The following WWP1 variants were observed in gnomAD, a reference collection of about 807,000 sequenced individuals.
WWP1 encodes the protein NEDD4-like E3 ubiquitin-protein ligase WWP1.
A neutral mutation model predicts 130.6 loss-of-function variants in WWP1; 49 were observed. The observed-to-expected ratio is 0.38, with a 90% CI of 0.30 to 0.48. WWP1 has a LOEUF of 0.48. Ranked by LOEUF, WWP1 falls within the 20% of genes least tolerant of loss-of-function variation. The pLI is 0.99. For synonymous variants in WWP1, 332 were observed against 367.8 expected (o/e 0.90, Z 1.11); for missense variants, 809 against 1,100.6 (o/e 0.74, Z 3.75).
intron 3 of WWP1, among the ~76,000 whole-genome samples, chr8:86,378,037 T>C (rs1279015392): frequency 6.6e-6 from 1 of 152,184 alleles, no homozygotes; most frequent in African/African-American, 2.4e-5. Context: ...TTTACTTCTC[T>C]TTTACATCAC....
chr8:86,454,661 A>G (rs1252360298), intron 21 of WWP1, among the ~76,000 whole-genome samples: 2 of 152,224 alleles, frequency 1.3e-5, no homozygotes, highest in African/African-American at 2.4e-5. Context: ...AGGTGCACTC[A>G]GAGAGGGATG....
chr8:86,389,744 C>T (rs529505953), intron 5 of WWP1, among the ~76,000 whole-genome samples: 274 of 149,168 alleles, frequency 1.8e-3, no homozygotes, highest in Non-Finnish European at 3.1e-3. Flanking sequence ...GGCAGAGGCG[C>T]CCCCCCACCC....
chr8:86,401,416 T>C (rs1807972264), intron 7 of WWP1, among the ~76,000 whole-genome samples: 1 of 151,910 alleles, frequency 6.6e-6, no homozygotes, highest in Non-Finnish European at 1.5e-5. Context: ...AAAAATTAGC[T>C]GGGCACTGTG....
intron 3 of WWP1, among the ~76,000 whole-genome samples, chr8:86,377,854 TA>T (rs1824762663): frequency 6.6e-6 from 1 of 152,206 alleles, no homozygotes; most frequent in South Asian, 2.1e-4. Context: ...TTGTGTCTTC[TA>T]AAGCATTTTC....
At chr8:86,452,755 T>C (rs964071446) in intron 21 of WWP1, 76 bp downstream of exon 21, 219 of 1,538,190 alleles carry the variant, frequency 1.4e-4, no homozygotes, top group Non-Finnish European at 1.8e-4. Flanking sequence ...TACAGAACAG[T>C]GTTCACACAT....
chr8:86,465,140 G>A (rs1216359775), intron 24 of WWP1, among the ~76,000 whole-genome samples: 1 of 152,034 alleles, frequency 6.6e-6, no homozygotes, highest in East Asian at 1.9e-4. Flanking sequence ...AGAGGAACAC[G>A]GCTAAGATTG....
intron 5 of WWP1, among the ~76,000 whole-genome samples, chr8:86,396,928 C>T (rs937836853): frequency 3.9e-5 from 6 of 152,044 alleles, no homozygotes; most frequent in African/African-American, 1.4e-4. Flanking sequence ...GAGACTAGAT[C>T]TCACTGTGTT....
intron 1 of WWP1, among the ~76,000 whole-genome samples, chr8:86,345,827 G>T (rs912097991): frequency 1.9e-4 from 29 of 152,110 alleles, no homozygotes; most frequent in Non-Finnish European, 3.7e-4. Context: ...TTGTGTTGTG[G>T]TTTACAGTTT....
At chr8:86,466,757 A>T (rs1461128402) in intron 24 of WWP1, 37 bp from the exon 25 acceptor site, 2 of 1,383,598 alleles carry the variant, frequency 1.4e-6, no homozygotes, top group Admixed American at 2.3e-5. Context: ...TTTTCATTTT[A>T]TTGAAAACAT....
intron 20 of WWP1, among the ~76,000 whole-genome samples, chr8:86,451,106 G>C (rs1811147728): frequency 6.6e-6 from 1 of 150,470 alleles, no homozygotes; most frequent in African/African-American, 2.4e-5. Context: ...GCATGGTGGT[G>C]TGCACTTGTA....
At chr8:86,359,503 G>T (rs893539719) in intron 1 of WWP1, among the ~76,000 whole-genome samples, 14 of 151,980 alleles carry the variant, frequency 9.2e-5, no homozygotes, top group African/African-American at 3.1e-4. Flanking sequence ...TGTATTCCCA[G>T]TGCCCCAAAG....
intron 21 of WWP1, among the ~76,000 whole-genome samples, chr8:86,457,466 T>A (rs1439449952): frequency 6.6e-6 from 1 of 151,704 alleles, no homozygotes; most frequent in Non-Finnish European, 1.5e-5. Flanking sequence ...TAGATATAAA[T>A]CTATATATAT....
chr8:86,355,234 A>G (rs1231878619), intron 1 of WWP1, among the ~76,000 whole-genome samples: 2 of 152,204 alleles, frequency 1.3e-5, no homozygotes, highest in African/African-American at 2.4e-5. Flanking sequence ...TGAGGTGAAC[A>G]TAACTTTGAG....
chr8:86,368,148 C>G (rs7843434), intron 1 of WWP1, among the ~76,000 whole-genome samples: 2 of 152,134 alleles, frequency 1.3e-5, no homozygotes, highest in Non-Finnish European at 2.9e-5. Context: ...GTCTTTACTT[C>G]GTGTCATATA....
chr8:86,382,665 C>G (rs1825047982), intron 5 of WWP1, among the ~76,000 whole-genome samples: 1 of 152,160 alleles, frequency 6.6e-6, no homozygotes, highest in Non-Finnish European at 1.5e-5. Context: ...CACCACTGCA[C>G]TCCCAGCCTG....
At position 86,344,233 on chromosome 8, in the gene WWP1, T is replaced by C. The variant is rs530652093; in HGVS notation, c.-115+1303T>C. ...AATTGTAAAGTATGTGGAATAGTTC[T>C]TTGGGACATAGCTTATCAACATTTT... On this transcript the variant is annotated intron_variant, in intron 1 of 24. Transcript: ENST00000517970. Among the ~76,000 whole-genome samples, 75 of 152,356 alleles carry C rather than the reference T, an allele frequency of 4.9e-4. 1 individual carries two copies. Among genetic ancestry groups the C allele is most frequent in the African/African-American group, 1.4e-3 (57 of 41,588 alleles).
intron 5 of WWP1, among the ~76,000 whole-genome samples, chr8:86,392,630 A>G (rs958584295): frequency 6.6e-6 from 1 of 152,240 alleles, no homozygotes; most frequent in African/African-American, 2.4e-5. Flanking sequence ...CATTTGTGGT[A>G]CTGGACAGAG....
intron 5 of WWP1, among the ~76,000 whole-genome samples, chr8:86,384,878 A>T (rs182228796): frequency 6.6e-6 from 1 of 152,120 alleles, no homozygotes; most frequent in East Asian, 1.9e-4. Flanking sequence ...CAAAGATACA[A>T]AAAATTAGCC....
At chr8:86,404,232 C>G (rs1467793256) in intron 8 of WWP1, among the ~76,000 whole-genome samples, 1 of 152,154 alleles carries the variant, frequency 6.6e-6, no homozygotes, top group Non-Finnish European at 1.5e-5. Context: ...TGAAACATTT[C>G]TGGTTCCAGG....
Sources: allele counts gnomAD v4.1 joint callset (sites outside exome capture counted in the v4.1 genomes callset), GRCh38; gene constraint gnomAD v4.1.1; transcripts MANE v1.5; gene names NCBI Gene and HGNC (gene_info 2026-07-23, HGNC 2026-07-21).